The following LOC128706666 variants were observed in gnomAD, a reference collection of about 807,000 sequenced individuals.
At chr20:10,418,285 C>T in the LOC128706666 span, among the ~76,000 whole-genome samples, 21,933 of 152,086 alleles carry the variant, frequency 0.14, 1,779 homozygotes, top group East Asian at 0.24. Context: ...CTGGTTGTGG[C>T]GAAATGCCCT....
the LOC128706666 span, among the ~76,000 whole-genome samples, chr20:10,425,279 T>G: frequency 6.6e-6 from 1 of 152,182 alleles, no homozygotes; most frequent in Non-Finnish European, 1.5e-5. Context: ...ATACAGCATT[T>G]GATTATAATG....
the LOC128706666 span, among the ~76,000 whole-genome samples, chr20:10,425,813 T>C: frequency 1.3e-5 from 2 of 152,214 alleles, no homozygotes; most frequent in Admixed American, 1.3e-4. Flanking sequence ...TTTTTTCCCT[T>C]CCTTACCCTC....
the LOC128706666 span, among the ~76,000 whole-genome samples, chr20:10,416,643 T>C: frequency 1.3e-5 from 2 of 152,208 alleles, no homozygotes; most frequent in African/African-American, 4.8e-5. Context: ...TTGCTTTCCT[T>C]GTATAAATGC....
the LOC128706666 span, among the ~76,000 whole-genome samples, chr20:10,429,771 C>A: frequency 6.6e-6 from 1 of 152,170 alleles, no homozygotes; most frequent in Admixed American, 6.5e-5. Flanking sequence ...CCTCACATGA[C>A]CTCCTTGCTT....
chr20:10,417,965 T>G, the LOC128706666 span, among the ~76,000 whole-genome samples: 1 of 152,180 alleles, frequency 6.6e-6, no homozygotes, highest in Non-Finnish European at 1.5e-5. Flanking sequence ...ATATTATCTA[T>G]CAAATGCAAT....
chr20:10,415,487 CA>C, the LOC128706666 span, among the ~76,000 whole-genome samples: 2 of 152,258 alleles, frequency 1.3e-5, no homozygotes, highest in South Asian at 4.1e-4. Context: ...CAATGATGGT[CA>C]GCTTTCTTCC....
chr20:10,427,341 T>C, the LOC128706666 span, among the ~76,000 whole-genome samples: 1 of 152,220 alleles, frequency 6.6e-6, no homozygotes, highest in Non-Finnish European at 1.5e-5. Context: ...TTGGTCTTAA[T>C]TGCTGTTGTG....
the LOC128706666 span, among the ~76,000 whole-genome samples, chr20:10,426,345 C>T: frequency 6.6e-6 from 1 of 152,186 alleles, no homozygotes; most frequent in Non-Finnish European, 1.5e-5. Context: ...ATTTGGAGGG[C>T]GTGAGGCACA....
the LOC128706666 span, among the ~76,000 whole-genome samples, chr20:10,427,379 CT>C: frequency 9.2e-5 from 14 of 152,204 alleles, no homozygotes; most frequent in East Asian, 2.7e-3. Context: ...TTTTTAAAAA[CT>C]TCCACTGAAT....
At chr20:10,431,113 C>T in the LOC128706666 span, among the ~76,000 whole-genome samples, 7 of 152,096 alleles carry the variant, frequency 4.6e-5, no homozygotes, top group East Asian at 1.9e-4. Flanking sequence ...GCTCAATACA[C>T]GGCAGCCATT....
At chr20:10,421,257 T>C in the LOC128706666 span, among the ~76,000 whole-genome samples, 1 of 150,018 alleles carries the variant, frequency 6.7e-6, no homozygotes, top group South Asian at 2.2e-4. Context: ...CAGTGAAACA[T>C]CGTTTCTACT....
At chr20:10,422,478 G>A in the LOC128706666 span, among the ~76,000 whole-genome samples, 1 of 152,072 alleles carries the variant, frequency 6.6e-6, no homozygotes, top group Admixed American at 6.6e-5. Flanking sequence ...TAAAATAACT[G>A]GGGGAGGAAT....
the LOC128706666 span, among the ~76,000 whole-genome samples, chr20:10,419,928 A>G: frequency 6.6e-6 from 1 of 152,214 alleles, no homozygotes; most frequent in Admixed American, 6.5e-5. Context: ...CAAACTGCGG[A>G]TAAAGGGAGA....
At chr20:10,432,505 G>A in the LOC128706666 span, among the ~76,000 whole-genome samples, 1,840 of 152,210 alleles carry the variant, frequency 0.012, 35 homozygotes, top group African/African-American at 0.042. Context: ...TAAAAATTGT[G>A]TAGTAGGCCA....
the LOC128706666 span, among the ~76,000 whole-genome samples, chr20:10,416,977 T>C: frequency 6.6e-6 from 1 of 151,946 alleles, no homozygotes; most frequent in Non-Finnish European, 1.5e-5. Context: ...TGATCTTTTA[T>C]AGAAAAAAAG....
the LOC128706666 span, among the ~76,000 whole-genome samples, chr20:10,433,152 C>T: frequency 2.6e-5 from 4 of 152,218 alleles, no homozygotes; most frequent in Non-Finnish European, 4.4e-5. Flanking sequence ...TACAGGCGTG[C>T]GCCACTGCGC....
the LOC128706666 span, among the ~76,000 whole-genome samples, chr20:10,422,972 A>G: frequency 6.6e-6 from 1 of 152,030 alleles, no homozygotes; most frequent in Non-Finnish European, 1.5e-5. Flanking sequence ...CGGCCTCCCA[A>G]AGTGCTGGGA....
At chr20:10,422,958 G>A in the LOC128706666 span, among the ~76,000 whole-genome samples, 1 of 152,034 alleles carries the variant, frequency 6.6e-6, no homozygotes, top group Non-Finnish European at 1.5e-5. Flanking sequence ...CGATCCGCTC[G>A]CCTCGGCCTC....
the LOC128706666 span, among the ~76,000 whole-genome samples, chr20:10,428,757 T>C: frequency 2.0e-5 from 3 of 152,182 alleles, no homozygotes; most frequent in East Asian, 5.8e-4. Context: ...GAGAATCGCT[T>C]GAATCCAGGA....
Sources: gnomAD v4.1 joint callset for allele counts (sites outside exome capture counted in the v4.1 genomes callset) on GRCh38, gnomAD v4.1.1 for gene constraint, MANE v1.5 for transcripts.